NOX4: variants seen among roughly 807,000 people sequenced by gnomAD.
NOX4 encodes NADPH oxidase 4.
Under a neutral mutation model 87.6 loss-of-function variants are expected in NOX4, and 69 were observed. That is an observed-to-expected ratio of 0.79 (90% CI 0.65 to 0.96). The LOEUF is 0.96. Ranked by LOEUF, NOX4 falls within the 40% of genes least tolerant of loss-of-function variation. NOX4 has a pLI of 0.00. For synonymous variants in NOX4, 275 were observed against 238.2 expected (o/e 1.15, Z -1.42); for missense variants, 680 against 681.5 (o/e 1.00, Z 0.02).
At chr11:89,508,065 AATAAAC>A in the NOX4 span, among the ~76,000 whole-genome samples, 1 of 152,112 alleles carries the variant, frequency 6.6e-6, no homozygotes, top group Non-Finnish European at 1.5e-5. Context: ...AGATCAAATA[AATAAAC>A]ATGCTTTTAA....
At chr11:89,456,565 C>T (rs897958180) in intron 2 of NOX4, among the ~76,000 whole-genome samples, 5 of 152,112 alleles carry the variant, frequency 3.3e-5, no homozygotes, top group African/African-American at 1.2e-4. Flanking sequence ...GAGGAGGAAG[C>T]TGGGAGCCCT....
chr11:89,419,060 A>G (rs542795706), intron 8 of NOX4, among the ~76,000 whole-genome samples: 4 of 152,214 alleles, frequency 2.6e-5, no homozygotes, highest in African/African-American at 9.6e-5. Flanking sequence ...AAAAATATGC[A>G]GTTTTATAAT....
chr11:89,445,029 C>A lies in NOX4; in HGVS notation c.350-797G>T, dbSNP rs140563711. Among the ~76,000 whole-genome samples the A allele has an allele frequency of 9.3e-4, 142 of 151,968 alleles. 2 individuals are homozygous for A. The highest frequency in any genetic ancestry group is 3.1e-3 in the African/African-American group (130 of 41,420). ...CCCTTGCTCAAGCTTTGCTTGTAGG[C>A]AAAATAAGGTGTGAATTAACACCAC... On this transcript the variant is annotated intron_variant, in intron 4 of 17. Transcript: ENST00000263317.
the NOX4 span, among the ~76,000 whole-genome samples, chr11:89,539,508 A>G: frequency 7.5e-4 from 114 of 152,150 alleles, no homozygotes; most frequent in Non-Finnish European, 1.1e-3. Context: ...TTGTTATGGC[A>G]GACCAAACTG....
chr11:89,431,220 A>T lies in NOX4; in HGVS notation c.548+1564T>A, dbSNP rs549145757. 4.6e-5 allele frequency among the ~76,000 whole-genome samples: 7 copies of T among 152,332 alleles called. No individual in the cohort carries two copies. The South Asian group carries it at 1.4e-3, about 32-fold the overall frequency. On this transcript the variant is annotated intron_variant, in intron 7 of 17. Transcript: ENST00000263317. The stretch of plus-strand genomic sequence containing the variant: ...AAAATTAATTCAAGATGGATTAAAG[A>T]CTTAAATGTTAGACCTAAAACCATC...
the NOX4 span, among the ~76,000 whole-genome samples, chr11:89,581,579 T>C: frequency 4.6e-5 from 7 of 152,142 alleles, no homozygotes; most frequent in African/African-American, 1.7e-4. Context: ...CTACCTCTGA[T>C]TGGACTCCAC....
At chr11:89,385,284 A>C (rs890721658) in intron 11 of NOX4, among the ~76,000 whole-genome samples, 2 of 152,210 alleles carry the variant, frequency 1.3e-5, no homozygotes, top group African/African-American at 2.4e-5. Context: ...TTCCAAAGGA[A>C]GCTGGAGTCA....
At chr11:89,355,978 T>C (rs879412231) in intron 12 of NOX4, among the ~76,000 whole-genome samples, 15 of 152,124 alleles carry the variant, frequency 9.9e-5, no homozygotes, top group Non-Finnish European at 1.5e-4. Context: ...GAAGTGAAAC[T>C]GAATGATTTT....
the NOX4 span, among the ~76,000 whole-genome samples, chr11:89,509,186 C>A: frequency 6.6e-6 from 1 of 151,926 alleles, no homozygotes; most frequent in East Asian, 1.9e-4. Flanking sequence ...TTTCTTCCAA[C>A]AGAATTGCAT....
chr11:89,577,544 A>G, the NOX4 span: 1 of 152,220 alleles, frequency 6.6e-6, no homozygotes, highest in Admixed American at 6.5e-5. Context: ...GATAAGAAAT[A>G]TTATCTCAAC....
At chr11:89,401,296 T>G (rs1591126723) in intron 9 of NOX4, among the ~76,000 whole-genome samples, 2 of 152,040 alleles carry the variant, frequency 1.3e-5, no homozygotes, top group Admixed American at 6.6e-5. Flanking sequence ...TTTGAGACAA[T>G]CACTTACTCT....
At chr11:89,343,763 G>C (rs184252286) in intron 13 of NOX4, among the ~76,000 whole-genome samples, 1 of 151,928 alleles carries the variant, frequency 6.6e-6, no homozygotes, top group Non-Finnish European at 1.5e-5. Flanking sequence ...ACTCTTTAAA[G>C]TCTTGCTATA....
chr11:89,360,631 C>T (rs1481709613), intron 12 of NOX4, among the ~76,000 whole-genome samples: 2 of 152,024 alleles, frequency 1.3e-5, no homozygotes, highest in Admixed American at 6.6e-5. Context: ...CAGATGAGTT[C>T]AGTGATCTTT....
intron 12 of NOX4, among the ~76,000 whole-genome samples, chr11:89,369,994 T>A (rs1266119761): frequency 1.3e-5 from 2 of 151,916 alleles, no homozygotes; most frequent in Non-Finnish European, 2.9e-5. Context: ...AAAATCTGAA[T>A]AAAGCCTATA....
chr11:89,438,337 T>C (rs1944190372), intron 6 of NOX4, among the ~76,000 whole-genome samples: 1 of 121,118 alleles, frequency 8.3e-6, no homozygotes, highest in South Asian at 2.4e-4. Flanking sequence ...GTATATATCA[T>C]TATATACTAT....
chr11:89,548,240 G>A, the NOX4 span: 6 of 152,112 alleles, frequency 3.9e-5, no homozygotes, highest in Admixed American at 1.3e-4. Context: ...TAGGTAATAA[G>A]AGTTGAGCCC....
chr11:89,437,672 C>A (rs886800373), intron 6 of NOX4, among the ~76,000 whole-genome samples: 9 of 151,974 alleles, frequency 5.9e-5, no homozygotes, highest in African/African-American at 2.2e-4. Flanking sequence ...TACCTAGGAC[C>A]CTGCATACTC....
chr11:89,377,104 T>C (rs1228928231), intron 11 of NOX4, among the ~76,000 whole-genome samples: 2 of 152,072 alleles, frequency 1.3e-5, no homozygotes, highest in Non-Finnish European at 2.9e-5. Flanking sequence ...AGACAGATAT[T>C]TGTGCTTTTT....
At chr11:89,427,552 T>C (rs907966382) in intron 7 of NOX4, among the ~76,000 whole-genome samples, 23 of 152,158 alleles carry the variant, frequency 1.5e-4, no homozygotes, top group Non-Finnish European at 2.4e-4. Flanking sequence ...CTGAAAACCA[T>C]GGCACGAGAA....
Sources: gnomAD v4.1 joint callset for allele counts (sites outside exome capture counted in the v4.1 genomes callset) on GRCh38, gnomAD v4.1.1 for gene constraint, MANE v1.5 for transcripts, NCBI Gene and HGNC (gene_info 2026-07-23, HGNC 2026-07-21) for gene names.